RALYL: variants seen among roughly 807,000 people sequenced by gnomAD.
The protein encoded by RALYL is RNA-binding Raly-like protein.
Under a neutral mutation model 35.1 loss-of-function variants are expected in RALYL, and 29 were observed. That is an observed-to-expected ratio of 0.83 (90% CI 0.61 to 1.13). The LOEUF is 1.13. RALYL is among the 50% of genes most tolerant of loss of function. RALYL has a pLI of 0.00. For synonymous variants in RALYL, 120 were observed against 127.6 expected, an observed-to-expected ratio of 0.94 and a Z score of 0.40; for missense variants, 359 against 360.4, an observed-to-expected ratio of 1.00 and a Z score of 0.03.
chr8:84,778,344 T>A (rs1470730499), intron 3 of RALYL, among the ~76,000 whole-genome samples: 1 of 152,184 alleles, frequency 6.6e-6, no homozygotes, highest in Non-Finnish European at 1.5e-5. Flanking sequence ...TTAATAGGAT[T>A]TTCAACTCAG....
chr8:84,650,717 A>G (rs1828579426), intron 2 of RALYL, among the ~76,000 whole-genome samples: 1 of 151,748 alleles, frequency 6.6e-6, no homozygotes, highest in Admixed American at 6.6e-5. Flanking sequence ...CCATCCCATT[A>G]CTGGGTATAT....
Position 84,825,102 on chromosome 8 carries a change from T to C in RALYL, c.365+20300T>C, listed in dbSNP as rs1829385371. Among the ~76,000 whole-genome samples, 3 of 152,038 alleles carry C rather than the reference T, an allele frequency of 2.0e-5. No homozygotes were observed. In the South Asian group the frequency reaches 6.2e-4, roughly 32 times the overall value. On this transcript the variant is annotated intron_variant, in intron 4 of 8. Coordinates refer to ENST00000521268, the MANE Select transcript of RALYL (RefSeq NM_173848.7). Reference sequence around the variant, plus strand: ...GAGCAAAATATTCACAAACTATATATCTGACAAAATGCTAATATCCAGAAT... The same window carrying C: ...GAGCAAAATATTCACAAACTATATACCTGACAAAATGCTAATATCCAGAAT...
intron 3 of RALYL, among the ~76,000 whole-genome samples, chr8:84,803,689 T>C (rs1823900924): frequency 6.6e-6 from 1 of 152,214 alleles, no homozygotes; most frequent in South Asian, 2.1e-4. Flanking sequence ...CAGCATGGTA[T>C]ATGGCGGAGA....
chr8:84,861,735 A>T (rs1838145527), intron 5 of RALYL, among the ~76,000 whole-genome samples: 1 of 152,216 alleles, frequency 6.6e-6, no homozygotes, highest in Non-Finnish European at 1.5e-5. Flanking sequence ...TACTGAAAAG[A>T]TTCTTAAAGT....
intron 2 of RALYL, among the ~76,000 whole-genome samples, chr8:84,638,919 T>G (rs1825701365): frequency 1.1e-5 from 1 of 88,220 alleles, no homozygotes; most frequent in Non-Finnish European, 2.5e-5. Context: ...TATATATATA[T>G]ATTCTCTCAC....
chr8:84,831,494 T>C (rs1830916232), intron 4 of RALYL, among the ~76,000 whole-genome samples: 1 of 152,178 alleles, frequency 6.6e-6, no homozygotes, highest in African/African-American at 2.4e-5. Context: ...TTGTCTATCC[T>C]GAACACCAGC....
chr8:84,596,065 A>G (rs1814455021), intron 2 of RALYL, among the ~76,000 whole-genome samples: 1 of 152,154 alleles, frequency 6.6e-6, no homozygotes, highest in African/African-American at 2.4e-5. Flanking sequence ...CTATGAGTTT[A>G]CTATCAAATG....
intron 1 of RALYL, among the ~76,000 whole-genome samples, chr8:84,196,660 G>C (rs1425373260): frequency 6.6e-6 from 1 of 152,116 alleles, no homozygotes; most frequent in Non-Finnish European, 1.5e-5. Flanking sequence ...AATATAGAGT[G>C]TTCATAGAGG....
intron 2 of RALYL, among the ~76,000 whole-genome samples, chr8:84,587,897 C>T (rs945888368): frequency 2.0e-5 from 3 of 152,098 alleles, no homozygotes; most frequent in Non-Finnish European, 2.9e-5. Context: ...TAGCCTTCCT[C>T]GAGCACCTAT....
At chr8:84,328,577 C>A (rs1846250035) in intron 1 of RALYL, among the ~76,000 whole-genome samples, 1 of 152,078 alleles carries the variant, frequency 6.6e-6, no homozygotes, top group Non-Finnish European at 1.5e-5. Context: ...TTGTTTGCCT[C>A]CCAGCTTATT....
At chr8:84,765,307 G>A (rs936914467) in intron 2 of RALYL, among the ~76,000 whole-genome samples, 5 of 152,158 alleles carry the variant, frequency 3.3e-5, no homozygotes, top group Non-Finnish European at 2.9e-5. Context: ...AACAAGGAGA[G>A]GTAGTGGGGA....
At chr8:84,249,969 T>C (rs1417206926) in intron 1 of RALYL, among the ~76,000 whole-genome samples, 1 of 152,046 alleles carries the variant, frequency 6.6e-6, no homozygotes, top group East Asian at 1.9e-4. Context: ...GTAAAGTATT[T>C]TGAAAAATGT....
intron 2 of RALYL, among the ~76,000 whole-genome samples, chr8:84,633,135 G>A: frequency 6.6e-6 from 1 of 150,874 alleles, no homozygotes. Context: ...TTTTAATATT[G>A]CATGCAGTTT....
chr8:84,699,707 T>C (rs1839854520), intron 2 of RALYL, among the ~76,000 whole-genome samples: 1 of 152,102 alleles, frequency 6.6e-6, no homozygotes, highest in Non-Finnish European at 1.5e-5. Flanking sequence ...ATTTAGACCA[T>C]AGCAATGCAC....
intron 2 of RALYL, among the ~76,000 whole-genome samples, chr8:84,561,543 T>C (rs1057123014): frequency 6.6e-6 from 1 of 152,084 alleles, no homozygotes; most frequent in Non-Finnish European, 1.5e-5. Context: ...AATCTTCAAT[T>C]TATAAATTAG....
intron 1 of RALYL, among the ~76,000 whole-genome samples, chr8:84,230,817 A>G (rs1343550492): frequency 1.3e-5 from 2 of 152,222 alleles, no homozygotes; most frequent in Non-Finnish European, 2.9e-5. Flanking sequence ...AGATGAGGAA[A>G]CAGCGTCTCA....
intron 2 of RALYL, among the ~76,000 whole-genome samples, chr8:84,732,809 G>C (rs1022266741): frequency 6.6e-6 from 1 of 151,638 alleles, no homozygotes; most frequent in African/African-American, 2.4e-5. Flanking sequence ...CGATTCTCCT[G>C]TCTCAGCCTC....
chr8:84,517,081 A>G (rs568137140), intron 1 of RALYL, among the ~76,000 whole-genome samples: 2 of 152,338 alleles, frequency 1.3e-5, no homozygotes, highest in African/African-American at 4.8e-5. Context: ...AATTTCTGAC[A>G]TAAATTCTCA....
chr8:84,335,332 A>G (rs75806652), intron 1 of RALYL, among the ~76,000 whole-genome samples: 3,757 of 152,218 alleles, frequency 0.025, 97 homozygotes, highest in Non-Finnish European at 0.031. Context: ...AAGCTGTCTC[A>G]GTCCATCAGC....
Sources: gnomAD v4.1 joint callset for allele counts (sites outside exome capture counted in the v4.1 genomes callset) on GRCh38, gnomAD v4.1.1 for gene constraint, MANE v1.5 for transcripts, NCBI Gene and HGNC (gene_info 2026-07-23, HGNC 2026-07-21) for gene names.